BARX2: variants seen among roughly 807,000 people sequenced by gnomAD.
BARX2 encodes the protein BARX homeobox 2.
A neutral mutation model predicts 25.5 loss-of-function variants in BARX2; 11 were observed. That is an observed-to-expected ratio of 0.43 (90% CI 0.27 to 0.71). The LOEUF (loss-of-function observed/expected upper bound fraction) is 0.71, where lower values mean the gene tolerates loss of function less well. Ranked by LOEUF, BARX2 falls within the 30% of genes least tolerant of loss-of-function variation. BARX2 has a pLI of 0.19. For missense variants in BARX2, 360 were observed against 359.9 expected (o/e 1.00, Z 0.00); for synonymous variants, 137 against 149.5 (o/e 0.92, Z 0.61).
At chr11:129,393,886 G>A (rs529103403) in intron 1 of BARX2, among the ~76,000 whole-genome samples, 2 of 151,848 alleles carry the variant, frequency 1.3e-5, no homozygotes, top group Non-Finnish European at 2.9e-5. Flanking sequence ...GATTGCTTGC[G>A]GCCAGGATTG....
rs934015161 is a variant in BARX2 at position 129,423,242 on chromosome 11, G to A, written c.188-13509G>A. Among the ~76,000 whole-genome samples the A allele has an allele frequency of 3.3e-5, 5 of 151,102 alleles. No homozygotes were observed. In the South Asian group the frequency reaches 1.1e-3, roughly 32 times the overall value. On this transcript the variant is annotated intron_variant, in intron 1 of 3. Transcript: ENST00000281437. ...AGCAGTTCTCCTGCCTCAGGCTCCC[G>A]AGTAGCTGGGATTACAGGCACCTGC...
intron 3 of BARX2, among the ~76,000 whole-genome samples, chr11:129,448,589 C>T (rs1207814012): frequency 6.6e-6 from 1 of 152,220 alleles, no homozygotes; most frequent in Non-Finnish European, 1.5e-5. Flanking sequence ...CCACTTCCCA[C>T]CCTCTAGGAT....
intron 1 of BARX2, among the ~76,000 whole-genome samples, chr11:129,433,638 G>A (rs999535610): frequency 6.6e-6 from 1 of 152,038 alleles, no homozygotes; most frequent in Non-Finnish European, 1.5e-5. Context: ...GCCTGTGCTG[G>A]TTCTGGGGCT....
intron 1 of BARX2, among the ~76,000 whole-genome samples, chr11:129,397,411 G>C (rs1371959756): frequency 6.6e-6 from 1 of 152,110 alleles, no homozygotes; most frequent in Non-Finnish European, 1.5e-5. Flanking sequence ...TGTATAGGTG[G>C]CTATGATTAT....
intron 3 of BARX2, among the ~76,000 whole-genome samples, chr11:129,449,374 G>C (rs913403616): frequency 6.6e-5 from 10 of 151,914 alleles, no homozygotes; most frequent in African/African-American, 1.9e-4. Context: ...AGAGAAGCAG[G>C]GTTTGTCTTC....
intron 3 of BARX2, among the ~76,000 whole-genome samples, chr11:129,450,362 G>A (rs984451263): frequency 5.9e-5 from 9 of 152,194 alleles, no homozygotes; most frequent in African/African-American, 2.2e-4. Context: ...ACAAGGTGGT[G>A]TACAGATCAC....
chr11:129,439,439 C>T (rs1210224293), intron 2 of BARX2, among the ~76,000 whole-genome samples: 1 of 152,128 alleles, frequency 6.6e-6, no homozygotes, highest in Non-Finnish European at 1.5e-5. Flanking sequence ...TCCTCCCCAC[C>T]CCCAAACAGG....
In BARX2 at chr11:129,399,542, G is replaced by A. The variant is rs75881644; in HGVS notation, c.187+23320G>A. Among the ~76,000 whole-genome samples, 9 of 152,284 alleles carry A rather than the reference G, an allele frequency of 5.9e-5. No homozygotes were observed. The East Asian group carries it at 1.5e-3, about 26-fold the overall frequency. ...GCCCCAGAATTGGGGCTTAGTCTGG[G>A]CAGGTTCTTGGCTTTGCCCAGAAAA... On this transcript the variant is annotated intron_variant, in intron 1 of 3. Coordinates refer to ENST00000281437, the MANE Select transcript of BARX2 (RefSeq NM_003658.5).
At chr11:129,391,754 A>C (rs1275442207) in intron 1 of BARX2, among the ~76,000 whole-genome samples, 2 of 152,130 alleles carry the variant, frequency 1.3e-5, no homozygotes, top group Non-Finnish European at 2.9e-5. Flanking sequence ...GGGGGGTCAA[A>C]AATATTTATA....
chr11:129,443,942 A>ATGTT (rs1169858479), intron 3 of BARX2, among the ~76,000 whole-genome samples: 10 of 151,964 alleles, frequency 6.6e-5, no homozygotes, highest in African/African-American at 2.4e-4. Context: ...CCCTCACCAA[A>ATGTT]CGTTAGTGGC....
intron 1 of BARX2, among the ~76,000 whole-genome samples, chr11:129,404,789 C>T (rs1049845994): frequency 5.9e-5 from 9 of 152,094 alleles, no homozygotes; most frequent in African/African-American, 1.4e-4. Context: ...GGAGCCATTC[C>T]GAGGGCATCA....
chr11:129,395,265 G>A (rs1189620591), intron 1 of BARX2, among the ~76,000 whole-genome samples: 1 of 152,054 alleles, frequency 6.6e-6, no homozygotes, highest in Non-Finnish European at 1.5e-5. Context: ...TTTAGTTCCC[G>A]TAGGCTGGTT....
chr11:129,406,860 T>C (rs987972917), intron 1 of BARX2, among the ~76,000 whole-genome samples: 1 of 152,198 alleles, frequency 6.6e-6, no homozygotes, highest in African/African-American at 2.4e-5. Flanking sequence ...ATTAAAGAAC[T>C]GGTTTTATAG....
chr11:129,411,994 C>G (rs929872751), intron 1 of BARX2, among the ~76,000 whole-genome samples: 1 of 152,052 alleles, frequency 6.6e-6, no homozygotes, highest in Non-Finnish European at 1.5e-5. Flanking sequence ...AGTTTATGGC[C>G]GGGCACGGTG....
At chr11:129,445,156 G>A (rs1862310140) in intron 3 of BARX2, among the ~76,000 whole-genome samples, 1 of 152,216 alleles carries the variant, frequency 6.6e-6, no homozygotes, top group Admixed American at 6.5e-5. Flanking sequence ...TAAAGAACTA[G>A]ACTTGAGAGT....
At chr11:129,375,503 G>A (rs1188434222), upstream of BARX2, among the ~76,000 whole-genome samples, 1 of 152,132 alleles carries the variant, frequency 6.6e-6, no homozygotes, top group Non-Finnish European at 1.5e-5. The surrounding 1 kb of genome is among the most constrained non-coding windows in gnomAD (Gnocchi z 4.0). Context: ...GGGAGCTACC[G>A]GCCTGGGCCT....
At chr11:129,413,564 G>A (rs539986266) in intron 1 of BARX2, among the ~76,000 whole-genome samples, 42 of 152,198 alleles carry the variant, frequency 2.8e-4, no homozygotes, top group African/African-American at 1.0e-3. Flanking sequence ...GAAGGTTTTT[G>A]AGGCAGGGGA....
At chr11:129,418,779 C>T (rs557487683) in intron 1 of BARX2, among the ~76,000 whole-genome samples, 2 of 152,286 alleles carry the variant, frequency 1.3e-5, no homozygotes, top group African/African-American at 4.8e-5. Flanking sequence ...TCATTATTAA[C>T]ACACCCTACA....
At chr11:129,392,191 G>A (rs375688482) in intron 1 of BARX2, among the ~76,000 whole-genome samples, 1 of 152,194 alleles carries the variant, frequency 6.6e-6, no homozygotes, top group South Asian at 2.1e-4. Flanking sequence ...TTTACATTGA[G>A]GCCCTTGGGT....
Sources: gnomAD v4.1 joint callset for allele counts (sites outside exome capture counted in the v4.1 genomes callset) on GRCh38, gnomAD v4.1.1 for gene constraint, Gnocchi (gnomAD v3.1) non-coding constraint, MANE v1.5 for transcripts, NCBI Gene and HGNC (gene_info 2026-07-23, HGNC 2026-07-21) for gene names.